The following KCNMB2 variants were observed in gnomAD, a reference collection of about 807,000 sequenced individuals.
The protein encoded by KCNMB2 is potassium calcium-activated channel subfamily M regulatory beta subunit 2.
KCNMB2 carries 9 observed loss-of-function variants against 24.5 expected under a neutral mutation model. That is an observed-to-expected ratio of 0.37 (90% CI 0.22 to 0.64). The LOEUF (loss-of-function observed/expected upper bound fraction) is 0.64, where lower values mean the gene tolerates loss of function less well. Among genes scored for constraint, KCNMB2 ranks in the 30% least tolerant of loss-of-function variants. The pLI is 0.63. For synonymous variants in KCNMB2, 109 were observed against 104.4 expected (o/e 1.04, Z -0.27); for missense variants, 226 against 284.3 (o/e 0.79, Z 1.47).
chr3:178,744,485 T>A (rs1324498437), intron 1 of KCNMB2, among the ~76,000 whole-genome samples: 1 of 152,228 alleles, frequency 6.6e-6, no homozygotes, highest in Non-Finnish European at 1.5e-5. Context: ...CAAAAAGTTA[T>A]TTCAGGAACC....
chr3:178,678,730 G>A (rs1721158046), intron 1 of KCNMB2, among the ~76,000 whole-genome samples: 1 of 152,158 alleles, frequency 6.6e-6, no homozygotes, highest in South Asian at 2.1e-4. Context: ...TATTCAATGG[G>A]CAAAGCATGC....
At chr3:178,759,878 A>C (rs182550784) in intron 1 of KCNMB2, among the ~76,000 whole-genome samples, 2 of 33,898 alleles carry the variant, frequency 5.9e-5, no homozygotes, top group African/African-American at 3.4e-4. Context: ...ATATATCTAT[A>C]TATATATATA....
chr3:178,605,527 C>A (rs1223160005), intron 1 of KCNMB2, among the ~76,000 whole-genome samples: 2 of 152,080 alleles, frequency 1.3e-5, no homozygotes. Context: ...GTTTGCATTT[C>A]CATGAATAGA....
intron 1 of KCNMB2, among the ~76,000 whole-genome samples, chr3:178,551,147 A>G (rs569826741): frequency 2.0e-5 from 3 of 152,336 alleles, no homozygotes; most frequent in African/African-American, 4.8e-5. Context: ...GAGTGAGGGC[A>G]GTTGACAAAG....
intron 1 of KCNMB2, among the ~76,000 whole-genome samples, chr3:178,765,460 G>A (rs1297700128): frequency 6.6e-6 from 1 of 152,122 alleles, no homozygotes; most frequent in Non-Finnish European, 1.5e-5. Flanking sequence ...TTTTTCCAAA[G>A]GGAGCCTGAG....
chr3:178,539,787 CCTT>C (rs1178791992), intron 1 of KCNMB2, among the ~76,000 whole-genome samples: 3 of 151,716 alleles, frequency 2.0e-5, no homozygotes, highest in Non-Finnish European at 2.9e-5. Flanking sequence ...TGTGATTTCT[CCTT>C]ATTTTATAAA....
chr3:178,777,742 G>T (rs1293316416), intron 1 of KCNMB2, among the ~76,000 whole-genome samples: 2 of 152,110 alleles, frequency 1.3e-5, no homozygotes, highest in South Asian at 4.1e-4. Context: ...AGGGACTTAG[G>T]GGTCTCAGAT....
intron 1 of KCNMB2, among the ~76,000 whole-genome samples, chr3:178,800,207 T>A (rs956352456): frequency 6.6e-6 from 1 of 151,958 alleles, no homozygotes; most frequent in Non-Finnish European, 1.5e-5. Context: ...AGCTTCTGCA[T>A]AGCAAAGAAA....
intron 1 of KCNMB2, among the ~76,000 whole-genome samples, chr3:178,579,676 T>C (rs1244805556): frequency 6.6e-6 from 1 of 152,056 alleles, no homozygotes; most frequent in African/African-American, 2.4e-5. Context: ...CAATAAAAAA[T>C]GATAAAGGGG....
chr3:178,596,165 C>T (rs191111809), intron 1 of KCNMB2, among the ~76,000 whole-genome samples: 101 of 152,248 alleles, frequency 6.6e-4, no homozygotes, highest in Non-Finnish European at 1.2e-3. Flanking sequence ...ATCCCTTAGA[C>T]GCCTTCCTTT....
intron 1 of KCNMB2, among the ~76,000 whole-genome samples, chr3:178,553,435 G>A (rs1285403056): frequency 6.6e-6 from 1 of 151,982 alleles, no homozygotes; most frequent in Non-Finnish European, 1.5e-5. Context: ...CCACTCAAAT[G>A]CAAGAAATGA....
At chr3:178,730,860 C>A (rs562221403) in intron 1 of KCNMB2, among the ~76,000 whole-genome samples, 1 of 152,102 alleles carries the variant, frequency 6.6e-6, no homozygotes, top group African/African-American at 2.4e-5. Context: ...TATCAATGCA[C>A]CATCTGCAGG....
rs1222364329 is a variant in KCNMB2 at position 178,759,372 on chromosome 3, GATAT to G, written c.-67-47956_-67-47953del. Among the ~76,000 whole-genome samples the G allele has an allele frequency of 4.6e-3, 81 of 17,770 alleles. 16 individuals are homozygous for G. Among genetic ancestry groups the G allele is most frequent in the African/African-American group, 0.027 (63 of 2,330 alleles). 11.7% of individuals were successfully genotyped at this position (17,770 alleles called of 152,430 possible). A position where few individuals can be genotyped will look rare whatever the true frequency, so the allele number is the denominator to read the frequency against. On this transcript the variant is annotated intron_variant, in intron 1 of 4. Transcript: ENST00000452583. ...ATATATATATATATATCTCCAAGAGGATATATATATATATATATCTCTCCAAGAG... is the reference window on the plus strand; with the variant it reads ...ATATATATATATATATCTCCAAGAGGATATATATATATATCTCTCCAAGAG...
intron 1 of KCNMB2, among the ~76,000 whole-genome samples, chr3:178,786,553 G>A (rs931181354): frequency 2.0e-5 from 3 of 152,074 alleles, no homozygotes; most frequent in African/African-American, 4.8e-5. Context: ...GATCAGTGGA[G>A]GACTTTCATT....
intron 4 of KCNMB2, among the ~76,000 whole-genome samples, chr3:178,837,263 A>G (rs1715266949): frequency 1.3e-5 from 2 of 152,172 alleles, no homozygotes; most frequent in African/African-American, 4.8e-5. Context: ...CAATAGAAAA[A>G]CATGTTAATG....
intron 1 of KCNMB2, among the ~76,000 whole-genome samples, chr3:178,785,555 T>C (rs1424553330): frequency 6.6e-6 from 1 of 151,902 alleles, no homozygotes; most frequent in Non-Finnish European, 1.5e-5. Flanking sequence ...ACCTATGAAA[T>C]GAATCTATAA....
At chr3:178,757,996 T>TCC (rs1560006269) in intron 1 of KCNMB2, among the ~76,000 whole-genome samples, 4 of 2,236 alleles carry the variant, frequency 1.8e-3, no homozygotes, top group Admixed American at 0.011. Flanking sequence ...TATATATATA[T>TCC]ATCTAGATAT....
At chr3:178,674,370 T>G (rs1197122879) in intron 1 of KCNMB2, among the ~76,000 whole-genome samples, 1 of 152,194 alleles carries the variant, frequency 6.6e-6, no homozygotes, top group East Asian at 1.9e-4. Flanking sequence ...TTAAGTTAAA[T>G]ATCTGGTTCC....
chr3:178,778,455 G>GACACACACAC lies in KCNMB2; in HGVS notation c.-67-28849_-67-28840dup, dbSNP rs71628070. On this transcript the variant is annotated intron_variant, in intron 1 of 4. Coordinates refer to ENST00000452583, the MANE Select transcript of KCNMB2 (RefSeq NM_181361.3). The stretch of plus-strand genomic sequence containing the variant: ...ATTATGCCTGATTTCTACCCTTTAA[G>GACACACACAC]ACACACACACACACACACACACACA... Among the ~76,000 whole-genome samples the GACACACACAC allele has an allele frequency of 2.9e-3, 368 of 127,530 alleles. 4 individuals are homozygous for GACACACACAC. Among genetic ancestry groups the GACACACACAC allele is most frequent in the East Asian group, 0.025 (102 of 4,158 alleles). 83.7% of individuals were successfully genotyped at this position (127,530 alleles called of 152,430 possible).
Sources: allele counts gnomAD v4.1 joint callset (sites outside exome capture counted in the v4.1 genomes callset), GRCh38; gene constraint gnomAD v4.1.1; transcripts MANE v1.5; gene names NCBI Gene and HGNC (gene_info 2026-07-23, HGNC 2026-07-21).